The following DPP10 variants were observed in gnomAD, a reference collection of about 807,000 sequenced individuals.
DPP10 encodes the protein inactive dipeptidyl peptidase 10.
In DPP10, 33 loss-of-function variants were observed where a neutral mutation model predicts 120.9. That is an observed-to-expected ratio of 0.27 (90% CI 0.21 to 0.37). The LOEUF is 0.37. Among genes scored for constraint, DPP10 ranks in the 10% least tolerant of loss-of-function variants. The pLI is 1.00. For missense variants in DPP10, 816 were observed against 942.8 expected (o/e 0.87, Z 1.76); for synonymous variants, 337 against 326.1 (o/e 1.03, Z -0.36).
chr2:115,514,630 TTTAA>T (rs1191606658), intron 4 of DPP10, among the ~76,000 whole-genome samples: 1 of 151,836 alleles, frequency 6.6e-6, no homozygotes, highest in African/African-American at 2.4e-5. Context: ...CTACTTAATT[TTTAA>T]TTAATTAAAA....
At chr2:115,147,304 T>G (rs2051281269) in intron 1 of DPP10, among the ~76,000 whole-genome samples, 2 of 151,966 alleles carry the variant, frequency 1.3e-5, no homozygotes, top group East Asian at 1.9e-4. Flanking sequence ...CTATGAAAAC[T>G]TATTAATTAA....
At chr2:114,730,608 T>C (rs1676801630) in intron 1 of DPP10, among the ~76,000 whole-genome samples, 1 of 151,874 alleles carries the variant, frequency 6.6e-6, no homozygotes, top group Admixed American at 6.5e-5. Flanking sequence ...GTTTGTTTGT[T>C]TGTCTGAGAC....
chr2:115,219,347 A>C (rs1208336220), intron 1 of DPP10, among the ~76,000 whole-genome samples: 1 of 152,114 alleles, frequency 6.6e-6, no homozygotes, highest in Non-Finnish European at 1.5e-5. Flanking sequence ...ATTTTTGTAC[A>C]TGAATCATGA....
chr2:114,950,519 A>T (rs768506199), intron 1 of DPP10, among the ~76,000 whole-genome samples: 2 of 150,778 alleles, frequency 1.3e-5, no homozygotes, highest in Admixed American at 6.6e-5. Flanking sequence ...TGTTAGCAGG[A>T]TGGTCTCGAT....
intron 1 of DPP10, among the ~76,000 whole-genome samples, chr2:114,610,234 T>C (rs968985914): frequency 6.6e-6 from 1 of 152,138 alleles, no homozygotes; most frequent in Non-Finnish European, 1.5e-5. Context: ...CCTTCTAGAA[T>C]GATATTCAAG....
At chr2:115,315,470 T>C (rs1244189879) in intron 2 of DPP10, among the ~76,000 whole-genome samples, 1 of 152,178 alleles carries the variant, frequency 6.6e-6, no homozygotes, top group Non-Finnish European at 1.5e-5. Context: ...TAAAATGTTA[T>C]GTTGTACTAT....
chr2:115,809,034 A>T (rs920787637), intron 19 of DPP10, among the ~76,000 whole-genome samples: 5 of 152,178 alleles, frequency 3.3e-5, no homozygotes, highest in Admixed American at 1.3e-4. Context: ...AGATTATCTT[A>T]ACAATATCCC....
chr2:115,184,182 G>A (rs2054272136), intron 1 of DPP10, among the ~76,000 whole-genome samples: 1 of 152,166 alleles, frequency 6.6e-6, no homozygotes, highest in Non-Finnish European at 1.5e-5. Flanking sequence ...GATCCTGTGG[G>A]AGATTATGGG....
intron 5 of DPP10, among the ~76,000 whole-genome samples, chr2:115,687,548 A>G (rs1448156885): frequency 6.6e-6 from 1 of 151,770 alleles, no homozygotes; most frequent in Admixed American, 6.6e-5. Context: ...GCCCAAGCCT[A>G]TATGTTACTG....
At chr2:115,084,320 A>G (rs928907501) in intron 1 of DPP10, among the ~76,000 whole-genome samples, 13 of 152,198 alleles carry the variant, frequency 8.5e-5, no homozygotes, top group African/African-American at 2.9e-4. Context: ...CTACAACTCT[A>G]ATAGTGCTTG....
At chr2:114,715,882 T>G (rs1701315496) in intron 1 of DPP10, among the ~76,000 whole-genome samples, 1 of 152,028 alleles carries the variant, frequency 6.6e-6, no homozygotes, top group Admixed American at 6.5e-5. Context: ...TCTTATGATA[T>G]GATCAAGGAC....
intron 1 of DPP10, among the ~76,000 whole-genome samples, chr2:115,129,572 T>C (rs1429029455): frequency 2.0e-5 from 3 of 152,180 alleles, no homozygotes; most frequent in Non-Finnish European, 4.4e-5. Context: ...ATATATCACT[T>C]ATTTGTAGAA....
At chr2:115,634,613 G>A (rs1010821305) in intron 5 of DPP10, among the ~76,000 whole-genome samples, 1 of 152,106 alleles carries the variant, frequency 6.6e-6, no homozygotes, top group South Asian at 2.1e-4. Context: ...TACCAGAGGG[G>A]CACTGACCTG....
intron 1 of DPP10, among the ~76,000 whole-genome samples, chr2:114,804,977 GT>G (rs1558759162): frequency 6.6e-6 from 1 of 152,152 alleles, no homozygotes; most frequent in Non-Finnish European, 1.5e-5. Flanking sequence ...ATTCCCACAT[GT>G]TGTGGGAGGG....
chr2:115,748,222 T>G (rs1256518521), intron 10 of DPP10, among the ~76,000 whole-genome samples: 2 of 100,974 alleles, frequency 2.0e-5, no homozygotes, highest in Non-Finnish European at 4.5e-5. Context: ...AATTTACATG[T>G]TTATGGGTTT....
At chr2:114,594,492 AC>A (rs1691735579) in intron 1 of DPP10, among the ~76,000 whole-genome samples, 1 of 147,826 alleles carries the variant, frequency 6.8e-6, no homozygotes, top group East Asian at 2.0e-4. Context: ...TATTATATAT[AC>A]ATATATATTA....
chr2:115,581,858 A>G (rs924356150), intron 5 of DPP10, among the ~76,000 whole-genome samples: 4 of 152,100 alleles, frequency 2.6e-5, no homozygotes, highest in Non-Finnish European at 4.4e-5. Flanking sequence ...CAAATTACAA[A>G]TACTTATATA....
intron 3 of DPP10, among the ~76,000 whole-genome samples, chr2:115,374,190 A>G (rs570848410): frequency 6.6e-6 from 1 of 152,300 alleles, no homozygotes; most frequent in South Asian, 2.1e-4. Context: ...TCATTCCAGG[A>G]ATAACTCAAA....
intron 3 of DPP10, among the ~76,000 whole-genome samples, chr2:115,394,840 A>G (rs2067568314): frequency 6.6e-6 from 1 of 152,144 alleles, no homozygotes; most frequent in African/African-American, 2.4e-5. Context: ...AATATGGGAA[A>G]TCCATACATA....
Sources: allele counts gnomAD v4.1 joint callset (sites outside exome capture counted in the v4.1 genomes callset), GRCh38; gene constraint gnomAD v4.1.1; transcripts MANE v1.5; gene names NCBI Gene and HGNC (gene_info 2026-07-23, HGNC 2026-07-21).